LOC128092252: variants seen among roughly 807,000 people sequenced by gnomAD.
the LOC128092252 span, among the ~76,000 whole-genome samples, chr15:50,667,181 T>C: frequency 3.3e-5 from 5 of 152,140 alleles, no homozygotes; most frequent in Admixed American, 1.3e-4. Context: ...TCTCTGCATG[T>C]CTGGATCAGA....
the LOC128092252 span, among the ~76,000 whole-genome samples, chr15:50,679,520 ATATATATATATATATATAT>A: frequency 5.1e-3 from 95 of 18,760 alleles, 5 homozygotes; most frequent in African/African-American, 0.012. Context: ...TAATATATAT[ATATATATATATATATATAT>A]TTTTTTTTTT....
At chr15:50,667,988 AATTATGATT>A in the LOC128092252 span, among the ~76,000 whole-genome samples, 2 of 152,104 alleles carry the variant, frequency 1.3e-5, no homozygotes, top group African/African-American at 4.8e-5. Flanking sequence ...TATCAGCAGT[AATTATGATT>A]ATTATGTTAA....
chr15:50,679,376 C>T, the LOC128092252 span, among the ~76,000 whole-genome samples: 1 of 149,162 alleles, frequency 6.7e-6, no homozygotes, highest in Non-Finnish European at 1.5e-5. Context: ...GACGTTCACA[C>T]TGCGAGTAAG....
At chr15:50,652,920 G>A in the LOC128092252 span, among the ~76,000 whole-genome samples, 1 of 152,164 alleles carries the variant, frequency 6.6e-6, no homozygotes, top group African/African-American at 2.4e-5. Context: ...CCAGCACTTT[G>A]AGAGGCCAAA....
At chr15:50,683,507 G>C in the LOC128092252 span, among the ~76,000 whole-genome samples, 1 of 151,674 alleles carries the variant, frequency 6.6e-6, no homozygotes, top group African/African-American at 2.4e-5. Flanking sequence ...GGCCGAGGCG[G>C]GTGGATCACC....
At chr15:50,674,103 C>T in the LOC128092252 span, among the ~76,000 whole-genome samples, 1 of 152,206 alleles carries the variant, frequency 6.6e-6, no homozygotes, top group African/African-American at 2.4e-5. Flanking sequence ...ATTCTCCTGT[C>T]TCAGCCTCTG....
the LOC128092252 span, among the ~76,000 whole-genome samples, chr15:50,651,473 G>A: frequency 2.6e-5 from 4 of 151,564 alleles, no homozygotes; most frequent in South Asian, 2.1e-4. Context: ...GTGAAACCCC[G>A]TCTGTAATAA....
chr15:50,686,048 T>C, the LOC128092252 span, among the ~76,000 whole-genome samples: 1 of 152,234 alleles, frequency 6.6e-6, no homozygotes, highest in African/African-American at 2.4e-5. Flanking sequence ...TCCAAACCCG[T>C]GTCCTCTACC....
the LOC128092252 span, among the ~76,000 whole-genome samples, chr15:50,677,511 C>T: frequency 6.6e-6 from 1 of 151,992 alleles, no homozygotes; most frequent in Admixed American, 6.6e-5. Flanking sequence ...GAGGCCAAGG[C>T]AGGCGGATCG....
At chr15:50,672,164 C>T in the LOC128092252 span, among the ~76,000 whole-genome samples, 2 of 152,140 alleles carry the variant, frequency 1.3e-5, no homozygotes, top group African/African-American at 4.8e-5. Context: ...CGCCATTCTC[C>T]TGCCTCAGCC....
chr15:50,650,538 T>G, the LOC128092252 span, among the ~76,000 whole-genome samples: 1 of 151,038 alleles, frequency 6.6e-6, no homozygotes, highest in Admixed American at 6.6e-5. Flanking sequence ...CTCCTAAAAA[T>G]ATAAAAATTA....
the LOC128092252 span, among the ~76,000 whole-genome samples, chr15:50,666,862 C>T: frequency 6.6e-6 from 1 of 152,098 alleles, no homozygotes; most frequent in Non-Finnish European, 1.5e-5. Flanking sequence ...TGAAAAGATA[C>T]AAGGTAATTG....
chr15:50,662,473 C>T, the LOC128092252 span, among the ~76,000 whole-genome samples: 1 of 152,130 alleles, frequency 6.6e-6, no homozygotes, highest in African/African-American at 2.4e-5. Flanking sequence ...AAGACACAGA[C>T]ACCTATAGTC....
the LOC128092252 span, among the ~76,000 whole-genome samples, chr15:50,673,389 C>T: frequency 6.6e-6 from 1 of 152,090 alleles, no homozygotes; most frequent in Non-Finnish European, 1.5e-5. Context: ...ACACACTGCA[C>T]CCTATTTGTA....
chr15:50,669,981 T>C, the LOC128092252 span, among the ~76,000 whole-genome samples: 2 of 152,198 alleles, frequency 1.3e-5, no homozygotes, highest in African/African-American at 2.4e-5. Flanking sequence ...ACTCTTTGTA[T>C]AGGAATGCAG....
chr15:50,686,457 T>G, the LOC128092252 span: 4 of 1,613,256 alleles, frequency 2.5e-6, no homozygotes, highest in African/African-American at 4.0e-5. Context: ...CCCACACACT[T>G]GCCTGCCAAG....
chr15:50,654,446 CAA>C, the LOC128092252 span, among the ~76,000 whole-genome samples: 1 of 149,458 alleles, frequency 6.7e-6, no homozygotes, highest in Non-Finnish European at 1.5e-5. Flanking sequence ...GACACCATCT[CAA>C]AAAAATAAAA....
chr15:50,649,057 T>C, the LOC128092252 span, among the ~76,000 whole-genome samples: 118 of 152,308 alleles, frequency 7.7e-4, 1 homozygote, highest in African/African-American at 2.7e-3. Flanking sequence ...ACCTTCATCA[T>C]AGCACTGAAA....
the LOC128092252 span, among the ~76,000 whole-genome samples, chr15:50,666,574 C>T: frequency 7.9e-5 from 12 of 151,966 alleles, no homozygotes; most frequent in African/African-American, 2.2e-4. Context: ...GAGGCTGAGG[C>T]GGGCAGATCA....
Sources: allele counts gnomAD v4.1 joint callset (sites outside exome capture counted in the v4.1 genomes callset), GRCh38; gene constraint gnomAD v4.1.1; transcripts MANE v1.5.